The following SYT16 variants were observed in gnomAD, a reference collection of about 807,000 sequenced individuals.
The protein encoded by SYT16 is synaptotagmin-16.
In SYT16, 42 loss-of-function variants were observed where a neutral mutation model predicts 61.4. The ratio of observed to expected loss-of-function variants is 0.68; its 90% CI spans 0.53 to 0.89. SYT16 has a LOEUF of 0.89. SYT16 is among the 40% of genes least tolerant of loss of function. The pLI, the probability that SYT16 is intolerant of heterozygous loss-of-function variation, is 0.00. For missense variants in SYT16, 804 were observed against 807.3 expected, an observed-to-expected ratio of 1.00 and a Z score of 0.05; for synonymous variants, 314 against 302.3, an observed-to-expected ratio of 1.04 and a Z score of -0.40.
intron 2 of SYT16, among the ~76,000 whole-genome samples, chr14:61,973,448 TTATG>T (rs1282544401): frequency 6.6e-6 from 1 of 152,208 alleles, no homozygotes; most frequent in Non-Finnish European, 1.5e-5. Flanking sequence ...TTTGATTTCT[TTATG>T]TAATGTTCTT....
At chr14:61,993,289 G>T (rs374631529) in intron 2 of SYT16, among the ~76,000 whole-genome samples, 3 of 151,962 alleles carry the variant, frequency 2.0e-5, no homozygotes, top group East Asian at 3.9e-4. Context: ...GGGAGGGAGA[G>T]CATTAGGACA....
chr14:62,003,739 A>C (rs2053114779), intron 3 of SYT16, among the ~76,000 whole-genome samples: 1 of 152,166 alleles, frequency 6.6e-6, no homozygotes, highest in Non-Finnish European at 1.5e-5. Flanking sequence ...AATTGTGTAA[A>C]GAACATATTG....
At chr14:61,945,991 T>G (rs912215019) in intron 1 of SYT16, among the ~76,000 whole-genome samples, 1 of 144,304 alleles carries the variant, frequency 6.9e-6, no homozygotes, top group African/African-American at 2.5e-5. Flanking sequence ...TTCTCACCCA[T>G]AAGTGGGAGT....
chr14:61,862,690 C>A (rs1440310712), intron 1 of SYT16, among the ~76,000 whole-genome samples: 9 of 152,160 alleles, frequency 5.9e-5, no homozygotes, highest in Admixed American at 5.9e-4. Context: ...TGAGTTTGGA[C>A]AAATGTATAG....
chr14:62,080,905 T>C lies in SYT16; in HGVS notation c.1065T>C (p.Asp355=), dbSNP rs377191541. 1 of 1,605,326 alleles carries C rather than the reference T, an allele frequency of 6.2e-7. No individual in the cohort carries two copies. The highest frequency in any genetic ancestry group is 8.5e-7 in the Non-Finnish European group (1 of 1,175,870). The change falls in exon 6 of 8, where the codon GAT becomes GAC. Residue 355 remains aspartate (D), a synonymous_variant. Coordinates refer to ENST00000683842, the MANE Select transcript of SYT16 (RefSeq NM_001367656.1). ...SEPISKCGDL[D]VIFEYRAASQ... The stretch of plus-strand genomic sequence containing the variant: ...CCATCTCAAAGTGTGGTGACCTAGA[T>C]GTCATCTTTGAATATAGAGCCGCCA...
chr14:62,024,542 T>C (rs2054029275), intron 3 of SYT16, among the ~76,000 whole-genome samples: 1 of 152,058 alleles, frequency 6.6e-6, no homozygotes, highest in Non-Finnish European at 1.5e-5. Context: ...ATAGTTCCCA[T>C]ACACCCTGTG....
At chr14:61,987,071 T>G (rs1391413874) in intron 2 of SYT16, among the ~76,000 whole-genome samples, 3 of 152,174 alleles carry the variant, frequency 2.0e-5, no homozygotes, top group Non-Finnish European at 2.9e-5. Flanking sequence ...AGGGGTGTTA[T>G]GGGAGAATAT....
chr14:62,012,650 G>A (rs1254625379), intron 3 of SYT16, among the ~76,000 whole-genome samples: 5 of 152,158 alleles, frequency 3.3e-5, no homozygotes, highest in Admixed American at 1.3e-4. Flanking sequence ...TAAGTAAATA[G>A]AGAAATTGCA....
chr14:62,002,328 T>C (rs779224788), intron 3 of SYT16, among the ~76,000 whole-genome samples: 2 of 152,166 alleles, frequency 1.3e-5, no homozygotes, highest in Non-Finnish European at 2.9e-5. Context: ...GCTCTATTAC[T>C]ACATTGTGTT....
At chr14:62,022,482 G>A (rs1595179767) in intron 3 of SYT16, among the ~76,000 whole-genome samples, 1 of 152,032 alleles carries the variant, frequency 6.6e-6, no homozygotes, top group Non-Finnish European at 1.5e-5. Context: ...TTACCATGAT[G>A]TATTTAGGTG....
At chr14:61,993,736 T>G (rs189929550) in intron 2 of SYT16, among the ~76,000 whole-genome samples, 80 of 152,330 alleles carry the variant, frequency 5.3e-4, no homozygotes, top group Non-Finnish European at 7.5e-4. Flanking sequence ...TGCAGGGAAC[T>G]TATGTGATAA....
intron 1 of SYT16, among the ~76,000 whole-genome samples, chr14:61,917,770 C>T (rs2049175473): frequency 6.6e-6 from 1 of 151,988 alleles, no homozygotes; most frequent in Non-Finnish European, 1.5e-5. Flanking sequence ...GGTTAAGTAT[C>T]CCTTATCTGA....
chr14:61,862,771 T>G (rs2140290740), intron 1 of SYT16, among the ~76,000 whole-genome samples: 1 of 152,356 alleles, frequency 6.6e-6, no homozygotes, highest in East Asian at 1.9e-4. Context: ...CTCTGTCCAT[T>G]CGTCCTTCTA....
At chr14:61,950,179 C>A (rs1447231139) in intron 1 of SYT16, among the ~76,000 whole-genome samples, 1 of 152,158 alleles carries the variant, frequency 6.6e-6, no homozygotes, top group Non-Finnish European at 1.5e-5. Context: ...ATGTTAAAAT[C>A]TATTTAAAAG....
chr14:62,047,961 G>C (rs563719223), intron 3 of SYT16, among the ~76,000 whole-genome samples: 2 of 152,164 alleles, frequency 1.3e-5, no homozygotes, highest in African/African-American at 4.8e-5. Flanking sequence ...TCTCTGCCAG[G>C]CTTTGGTATC....
chr14:62,015,279 A>C (rs1018474445), intron 3 of SYT16, among the ~76,000 whole-genome samples: 5 of 109,566 alleles, frequency 4.6e-5, no homozygotes, highest in African/African-American at 7.1e-5. Flanking sequence ...CATCAGTTTC[A>C]TTAACAAAAA....
At chr14:62,096,050 G>A (rs115979889) in intron 7 of SYT16, among the ~76,000 whole-genome samples, 1 of 151,882 alleles carries the variant, frequency 6.6e-6, no homozygotes, top group African/African-American at 2.4e-5. Flanking sequence ...ACAAAATTTA[G>A]ATCCCTACCT....
chr14:61,895,900 C>T lies in SYT16; in HGVS notation c.-324-74232C>T, dbSNP rs1263387928. Among the ~76,000 whole-genome samples the T allele has an allele frequency of 2.0e-5, 3 of 152,284 alleles. No homozygotes were observed. In the East Asian group the frequency reaches 5.8e-4, roughly 29 times the overall value. On this transcript the variant is annotated intron_variant, in intron 1 of 7. Transcript: ENST00000683842. Reference sequence around the variant, plus strand: ...GGAATTTTTTTCTATGATCACTTCTCCTCAGAGGATGAGCTAACCTCTTAG... The same window carrying T: ...GGAATTTTTTTCTATGATCACTTCTTCTCAGAGGATGAGCTAACCTCTTAG...
chr14:62,014,270 A>G (rs1021521082), intron 3 of SYT16, among the ~76,000 whole-genome samples: 2 of 152,182 alleles, frequency 1.3e-5, no homozygotes, highest in Non-Finnish European at 2.9e-5. Flanking sequence ...TTTCTTAGTT[A>G]TGGACATCCT....
Sources: allele counts gnomAD v4.1 joint callset (sites outside exome capture counted in the v4.1 genomes callset), GRCh38; gene constraint gnomAD v4.1.1; transcripts MANE v1.5; gene names NCBI Gene and HGNC (gene_info 2026-07-23, HGNC 2026-07-21).